The following MCC variants were observed in gnomAD, a reference collection of about 807,000 sequenced individuals.
The protein encoded by MCC is colorectal mutant cancer protein.
A neutral mutation model predicts 116.2 loss-of-function variants in MCC; 90 were observed. The observed-to-expected ratio is 0.77, with a 90% CI of 0.65 to 0.92. The LOEUF is 0.92. MCC is among the 40% of genes least tolerant of loss of function. The probability of loss-of-function intolerance (pLI) is 0.00; values close to 1 mark genes in which losing one functional copy is unlikely to be tolerated. For synonymous variants in MCC, 578 were observed against 510.5 expected, an observed-to-expected ratio of 1.13 and a Z score of -1.78; for missense variants, 1,516 against 1,312.2, an observed-to-expected ratio of 1.16 and a Z score of -2.40.
At chr5:113,050,981 A>C (rs1174923823) in intron 15 of MCC, among the ~76,000 whole-genome samples, 1 of 152,280 alleles carries the variant, frequency 6.6e-6, no homozygotes, top group South Asian at 2.1e-4. Flanking sequence ...AGATGTGACA[A>C]GTAAACTTGT....
chr5:113,050,284 C>A (rs1052175571), intron 15 of MCC, among the ~76,000 whole-genome samples: 2 of 152,280 alleles, frequency 1.3e-5, no homozygotes, highest in East Asian at 3.9e-4. Context: ...CTCTTGTCCC[C>A]GCACTTCTGC....
chr5:113,300,007 G>T (rs1161308413), intron 3 of MCC, among the ~76,000 whole-genome samples: 3 of 152,172 alleles, frequency 2.0e-5, no homozygotes, highest in Admixed American at 6.5e-5. Context: ...GGCATGACTG[G>T]ATGAGGCTGT....
chr5:113,228,217 A>T (rs917083999), intron 3 of MCC, among the ~76,000 whole-genome samples: 2 of 152,188 alleles, frequency 1.3e-5, no homozygotes, highest in African/African-American at 4.8e-5. Context: ...GTGTTGAGGC[A>T]TGGTTTCTAA....
chr5:113,477,280 T>A (rs1242100974), intron 1 of MCC, among the ~76,000 whole-genome samples: 1 of 152,194 alleles, frequency 6.6e-6, no homozygotes, highest in African/African-American at 2.4e-5. Context: ...TTTCTGTAAA[T>A]GTTATTTTTT....
At chr5:113,198,459 T>G (rs1482859040) in intron 3 of MCC, among the ~76,000 whole-genome samples, 1 of 148,578 alleles carries the variant, frequency 6.7e-6, no homozygotes, top group Admixed American at 6.7e-5. Flanking sequence ...CTTTGGGAGG[T>G]TGAGGCAGGA....
intron 3 of MCC, among the ~76,000 whole-genome samples, chr5:113,270,278 T>C (rs1033941090): frequency 2.0e-5 from 3 of 152,146 alleles, no homozygotes; most frequent in African/African-American, 4.8e-5. Context: ...TGTTCATCTT[T>C]AGGTCATCCA....
chr5:113,050,670 C>T (rs1220452558), intron 15 of MCC, among the ~76,000 whole-genome samples: 1 of 152,244 alleles, frequency 6.6e-6, no homozygotes, highest in Non-Finnish European at 1.5e-5. Context: ...TCTGGCAACA[C>T]TGCATACTGA....
chr5:113,365,394 TA>T (rs1348162991), intron 2 of MCC, among the ~76,000 whole-genome samples: 2 of 152,198 alleles, frequency 1.3e-5, no homozygotes, highest in Non-Finnish European at 2.9e-5. Context: ...AAAAGTTCTT[TA>T]TTTCTGTCTG....
At chr5:113,265,250 C>T (rs1336882088) in intron 3 of MCC, among the ~76,000 whole-genome samples, 2 of 152,082 alleles carry the variant, frequency 1.3e-5, no homozygotes, top group African/African-American at 4.8e-5. Context: ...ATCCTGAGAC[C>T]CTTAGAGAAT....
At chr5:113,161,411 T>C (rs1760476217) in intron 3 of MCC, among the ~76,000 whole-genome samples, 1 of 152,220 alleles carries the variant, frequency 6.6e-6, no homozygotes, top group Non-Finnish European at 1.5e-5. Context: ...GTTCATAAAT[T>C]TTTATATTGA....
At chr5:113,143,066 G>A in intron 5 of MCC, 152 bp downstream of exon 5, 1 of 813,948 alleles carries the variant, frequency 1.2e-6, no homozygotes, top group Non-Finnish European at 1.8e-6. Context: ...CACTTCAAAA[G>A]CCTTAGATAC....
intron 2 of MCC, among the ~76,000 whole-genome samples, chr5:113,376,213 G>C (rs1414296373): frequency 6.6e-6 from 1 of 152,178 alleles, no homozygotes; most frequent in Admixed American, 6.5e-5. Flanking sequence ...TGAACAAACA[G>C]GTTCATGCTT....
At chr5:113,283,372 GAT>G (rs759037050) in intron 3 of MCC, among the ~76,000 whole-genome samples, 15 of 152,142 alleles carry the variant, frequency 9.9e-5, no homozygotes, top group Non-Finnish European at 1.8e-4. Flanking sequence ...GACTTGAACA[GAT>G]ATTTTTCCAA....
At chr5:113,283,184 C>T (rs769474484) in intron 3 of MCC, among the ~76,000 whole-genome samples, 5 of 152,208 alleles carry the variant, frequency 3.3e-5, no homozygotes, top group African/African-American at 4.8e-5. Flanking sequence ...GTATTTTATA[C>T]TCACTTTCAC....
intron 15 of MCC, 150 bp downstream of exon 15, chr5:113,053,575 T>C (rs1752621570): frequency 9.9e-6 from 6 of 603,980 alleles, no homozygotes; most frequent in South Asian, 4.1e-5. Context: ...CCCCCAGACA[T>C]AGTGAAACCA....
At chr5:113,187,251 A>G (rs1024632165) in intron 3 of MCC, among the ~76,000 whole-genome samples, 3 of 152,142 alleles carry the variant, frequency 2.0e-5, no homozygotes, top group Admixed American at 2.0e-4. Flanking sequence ...TGGGATTACA[A>G]GCATGCGCCA....
chr5:113,471,495 G>C (rs2150431392), intron 1 of MCC, among the ~76,000 whole-genome samples: 1 of 152,192 alleles, frequency 6.6e-6, no homozygotes, highest in East Asian at 1.9e-4. Context: ...GGATACTGGT[G>C]AACCACAGAT....
chr5:113,079,007 C>T (rs1017653863), intron 11 of MCC, among the ~76,000 whole-genome samples: 1 of 152,158 alleles, frequency 6.6e-6, no homozygotes, highest in Non-Finnish European at 1.5e-5. Context: ...CATTCCTGTA[C>T]ACCAATAACA....
At chr5:113,045,251 A>C (rs997137336) in intron 16 of MCC, among the ~76,000 whole-genome samples, 1 of 152,116 alleles carries the variant, frequency 6.6e-6, no homozygotes, top group Non-Finnish European at 1.5e-5. Context: ...GAATTTCAAA[A>C]CCTAACGCAA....
Sources: gnomAD v4.1 joint callset for allele counts (sites outside exome capture counted in the v4.1 genomes callset) on GRCh38, gnomAD v4.1.1 for gene constraint, MANE v1.5 for transcripts, NCBI Gene and HGNC (gene_info 2026-07-23, HGNC 2026-07-21) for gene names.